The following TMED7 variants were observed in gnomAD, a reference collection of about 807,000 sequenced individuals.
The protein encoded by TMED7 is transmembrane emp24 domain-containing protein 7.
TMED7 carries 8 observed loss-of-function variants against 23.4 expected under a neutral mutation model. The observed-to-expected ratio is 0.34, with a 90% CI of 0.20 to 0.62. The LOEUF (loss-of-function observed/expected upper bound fraction) is 0.62, where lower values mean the gene tolerates loss of function less well. TMED7 is among the 20% of genes least tolerant of loss of function. The probability of loss-of-function intolerance (pLI) is 0.77; values close to 1 mark genes in which losing one functional copy is unlikely to be tolerated. For missense variants in TMED7, 232 were observed against 279.1 expected (o/e 0.83, Z 1.20); for synonymous variants, 121 against 108.5 (o/e 1.12, Z -0.72).
At chr5:115,623,096 T>C (rs528710064) in intron 1 of TMED7, among the ~76,000 whole-genome samples, 6 of 152,306 alleles carry the variant, frequency 3.9e-5, no homozygotes, top group African/African-American at 1.4e-4. Context: ...AACTTGGGAC[T>C]GAAAAGAGCC....
At chr5:115,623,797 C>G (rs1280344995) in intron 1 of TMED7, among the ~76,000 whole-genome samples, 1 of 152,164 alleles carries the variant, frequency 6.6e-6, no homozygotes, top group Non-Finnish European at 1.5e-5. Context: ...CAGCACTATA[C>G]CTAGTGTGTA....
At chr5:115,621,376 T>C (rs928819274) in intron 1 of TMED7, among the ~76,000 whole-genome samples, 1 of 152,210 alleles carries the variant, frequency 6.6e-6, no homozygotes, top group African/African-American at 2.4e-5. Flanking sequence ...TATATAATCA[T>C]TTACAACCTT....
In TMED7 at chr5:115,615,174, T is replaced by G. The variant is rs1756660308; in HGVS notation, c.*1035A>C. ...AGCATTCTAAATTTTTAAATCACTT[T>G]AGGGTAGCTAACCAGAAACTACAGA... On this transcript the variant is annotated 3_prime_UTR_variant, in exon 3 of 3. Coordinates refer to ENST00000456936, the MANE Select transcript of TMED7 (RefSeq NM_181836.6). 2 of 152,376 alleles carry G rather than the reference T, an allele frequency of 1.3e-5. No homozygotes were observed. Among genetic ancestry groups the G allele is most frequent in the African/African-American group, 4.8e-5 (2 of 41,412 alleles). The allele number at this position is 152,376 out of a possible 1,614,324, so 9.4% of individuals were successfully genotyped here.
In TMED7 at chr5:115,613,339, C is replaced by G. The variant is rs987058696; in HGVS notation, c.*2870G>C. On this transcript the variant is annotated 3_prime_UTR_variant, in exon 3 of 3. Coordinates refer to ENST00000456936, the MANE Select transcript of TMED7 (RefSeq NM_181836.6). Reference sequence around the variant, plus strand: ...AGAGAAGGTTACAAATTAGGCAGTACAGACGTGGTATTTCTCTTTCACCTT... The same window carrying G: ...AGAGAAGGTTACAAATTAGGCAGTAGAGACGTGGTATTTCTCTTTCACCTT... Among the ~76,000 whole-genome samples the G allele has an allele frequency of 6.6e-6, 1 of 152,184 alleles. No individual in the cohort carries two copies. Among genetic ancestry groups the G allele is most frequent in the Non-Finnish European group, 1.5e-5 (1 of 67,996 alleles).
chr5:115,616,801 T>C (rs559746513), intron 2 of TMED7, among the ~76,000 whole-genome samples: 1 of 152,226 alleles, frequency 6.6e-6, no homozygotes, highest in African/African-American at 2.4e-5. Context: ...TAAAGAAGAA[T>C]TAGGAAGAAA....
intron 1 of TMED7, among the ~76,000 whole-genome samples, chr5:115,622,596 A>G (rs936973566): frequency 2.0e-5 from 3 of 152,288 alleles, no homozygotes; most frequent in Admixed American, 2.0e-4. Flanking sequence ...TCTAACTACT[A>G]GATGCAGGTA....
At chr5:115,621,387 G>A (rs962808511) in intron 1 of TMED7, among the ~76,000 whole-genome samples, 1 of 152,144 alleles carries the variant, frequency 6.6e-6, no homozygotes, top group Non-Finnish European at 1.5e-5. Flanking sequence ...TTACAACCTT[G>A]TTTTGAGGAG....
rs1394892905 is a variant in TMED7 at position 115,614,786 on chromosome 5, G to A, written c.*1423C>T. On this transcript the variant is annotated 3_prime_UTR_variant, in exon 3 of 3. Transcript: ENST00000456936. ...AAGAGTTAACTTCTAGTCAGTATTGGTAAGTGACTAGGATGGCTATCCAAT... is the reference window on the plus strand; with the variant it reads ...AAGAGTTAACTTCTAGTCAGTATTGATAAGTGACTAGGATGGCTATCCAAT... 1 of 151,880 alleles carries A rather than the reference G, an allele frequency of 6.6e-6. No homozygotes were observed. Among genetic ancestry groups the A allele is most frequent in the Non-Finnish European group, 1.5e-5 (1 of 67,930 alleles). The allele number at this position is 151,880 out of a possible 1,614,324, so 9.4% of individuals were successfully genotyped here.
Position 115,625,977 on chromosome 5 carries a change from G to C in TMED7, c.-185C>G, listed in dbSNP as rs1446607849. ...GGCTTCCTGTGAGGGGCGCAGACGGGCGGACCTGGGGAGGTAAAAGAGAAG... is the reference window on the plus strand; with the variant it reads ...GGCTTCCTGTGAGGGGCGCAGACGGCCGGACCTGGGGAGGTAAAAGAGAAG... On this transcript the variant is annotated 5_prime_UTR_variant, in exon 1 of 3. Transcript: ENST00000456936. 3 of 783,304 alleles carry C rather than the reference G, an allele frequency of 3.8e-6. No homozygotes were observed. The highest frequency in any genetic ancestry group is 3.5e-5 in the East Asian group (1 of 28,612). 48.5% of individuals were successfully genotyped at this position (783,304 alleles called of 1,614,324 possible).
rs1267118490 is a variant in TMED7, at chr5:115,625,960, G to C, written c.-168C>G. ...GATCAGAGCGACCCTCCGGCTTCCT[G>C]TGAGGGGCGCAGACGGGCGGACCTG... On this transcript the variant is annotated 5_prime_UTR_variant, in exon 1 of 3. Coordinates refer to ENST00000456936, the MANE Select transcript of TMED7 (RefSeq NM_181836.6). 10 of 967,382 alleles carry C rather than the reference G, an allele frequency of 1.0e-5. No individual in the cohort carries two copies. Among genetic ancestry groups the C allele is most frequent in the Non-Finnish European group, 1.4e-5 (10 of 738,134 alleles). 59.9% of individuals were successfully genotyped at this position (967,382 alleles called of 1,614,324 possible).
chr5:115,616,055 T>C lies in TMED7; in HGVS notation c.*154A>G. 1 of 762,974 alleles carries C rather than the reference T, an allele frequency of 1.3e-6. No individual in the cohort carries two copies. The highest frequency in any genetic ancestry group is 2.7e-5 in the East Asian group (1 of 37,592). The allele number at this position is 762,974 out of a possible 1,614,324, so 47.3% of individuals were successfully genotyped here. The stretch of plus-strand genomic sequence containing the variant: ...TTTACAAATAAAAAAAGGTGTCCTT[T>C]CCACAGTTTGGGAATATGCATTGTA... On this transcript the variant is annotated 3_prime_UTR_variant, in exon 3 of 3. Transcript: ENST00000456936.
chr5:115,624,124 TA>T (rs1332069855), intron 1 of TMED7, among the ~76,000 whole-genome samples: 4 of 152,244 alleles, frequency 2.6e-5, no homozygotes, highest in African/African-American at 9.6e-5. Context: ...TCCTTAGCAC[TA>T]ATCACTGAGT....
chr5:115,621,723 T>C (rs1757034998), intron 1 of TMED7, among the ~76,000 whole-genome samples: 1 of 152,088 alleles, frequency 6.6e-6, no homozygotes, highest in Non-Finnish European at 1.5e-5. Flanking sequence ...GAGAAAGAAC[T>C]GAGTAGGAAG....
At chr5:115,622,495 C>T (rs1214782108) in intron 1 of TMED7, among the ~76,000 whole-genome samples, 1 of 152,198 alleles carries the variant, frequency 6.6e-6, no homozygotes, top group African/African-American at 2.4e-5. Context: ...TTCTCAACCT[C>T]GCATTATTCC....
At chr5:115,616,655 T>C in intron 2 of TMED7, 2 of 692,904 alleles carry the variant, frequency 2.9e-6, no homozygotes, top group East Asian at 2.9e-5. Context: ...AGAGATCTCA[T>C]GAAGCAGCTG....
Position 115,615,481 on chromosome 5 carries a change from A to G in TMED7, c.*728T>C, listed in dbSNP as rs954685023. ...AAATTTTCCTATTTCATTTGCCCCC[A>G]TTGTAGTGTCTTAAATTATTCTGTA... is the stretch of plus-strand genomic sequence containing the variant. On this transcript the variant is annotated 3_prime_UTR_variant, in exon 3 of 3. Coordinates refer to ENST00000456936, the MANE Select transcript of TMED7 (RefSeq NM_181836.6). 6.6e-6 allele frequency: 1 copy of G among 152,244 alleles called. No homozygotes were observed. Among genetic ancestry groups the G allele is most frequent in the African/African-American group, 2.4e-5 (1 of 41,438 alleles). The allele number at this position is 152,244 out of a possible 1,614,324, so 9.4% of individuals were successfully genotyped here.
chr5:115,619,084 C>T (rs761242698), intron 2 of TMED7: 10 of 152,006 alleles, frequency 6.6e-5, no homozygotes, highest in East Asian at 1.9e-4. Flanking sequence ...TGGATAAAGA[C>T]GGGTATGATA....
chr5:115,625,559 G>C (rs368296322), intron 1 of TMED7, 42 bp downstream of exon 1: 2 of 1,485,422 alleles, frequency 1.3e-6, no homozygotes, highest in Non-Finnish European at 9.0e-7. Context: ...CCCAATCCTG[G>C]AGCCGCGAGT....
rs1756730423 is a variant in TMED7, at chr5:115,616,149, AAATT to A, written c.*56_*59del. ...CCAATATTAAGTTCTTCAGTACCTAAAATTAATTAGAGGACAGCAATATTACAGT... is the reference window on the plus strand; with the variant it reads ...CCAATATTAAGTTCTTCAGTACCTAAAATTAGAGGACAGCAATATTACAGT... On this transcript the variant is annotated 3_prime_UTR_variant, in exon 3 of 3. Transcript: ENST00000456936. 6.6e-7 allele frequency: 1 copy of A among 1,526,042 alleles called. No homozygotes were observed. Among genetic ancestry groups the A allele is most frequent in the South Asian group, 1.1e-5 (1 of 88,210 alleles). The allele number at this position is 1,526,042 out of a possible 1,614,324, so 94.5% of individuals were successfully genotyped here.
Sources: gnomAD v4.1 joint callset for allele counts (sites outside exome capture counted in the v4.1 genomes callset) on GRCh38, gnomAD v4.1.1 for gene constraint, MANE v1.5 for transcripts, NCBI Gene and HGNC (gene_info 2026-07-23, HGNC 2026-07-21) for gene names.